The following CD226 variants were observed in gnomAD, a reference collection of about 807,000 sequenced individuals.
CD226 encodes the protein CD226 molecule.
A neutral mutation model predicts 34.9 loss-of-function variants in CD226; 24 were observed. The ratio of observed to expected loss-of-function variants is 0.69; its 90% confidence interval spans 0.50 to 0.97. The LOEUF (loss-of-function observed/expected upper bound fraction) is 0.97, where lower values mean the gene tolerates loss of function less well. Among genes scored for constraint, CD226 ranks in the 50% least tolerant of loss-of-function variants. CD226 has a pLI of 0.00. For synonymous variants in CD226, 148 were observed against 147.4 expected (o/e 1.00, Z -0.03); for missense variants, 397 against 412.7 (o/e 0.96, Z 0.33).
intron 3 of CD226, among the ~76,000 whole-genome samples, 197 bp from the exon 4 acceptor site, chr18:69,873,443 T>G (rs1983667213): frequency 6.6e-6 from 1 of 152,070 alleles, no homozygotes; most frequent in Admixed American, 6.5e-5. Context: ...TCCTAATAGA[T>G]TTTTATTTGT....
upstream of CD226, among the ~76,000 whole-genome samples, chr18:69,949,778 TCA>T (rs765792840): frequency 2.4e-4 from 36 of 151,700 alleles, no homozygotes; most frequent in Admixed American, 3.3e-4. Context: ...ACACACATGC[TCA>T]CAGTCTCAGA....
chr18:69,950,784 C>T (rs191670972), upstream of CD226, among the ~76,000 whole-genome samples: 81 of 152,008 alleles, frequency 5.3e-4, no homozygotes, highest in African/African-American at 1.5e-3. Context: ...ATTCTAAGAG[C>T]GATTGGAGAT....
chr18:69,854,136 C>T lies in CD226; in HGVS notation c.*10178G>A, dbSNP rs1369213199. 1 of 152,166 alleles carries T rather than the reference C, an allele frequency of 6.6e-6. No homozygotes were observed. Among genetic ancestry groups the T allele is most frequent in the Non-Finnish European group, 1.5e-5 (1 of 68,036 alleles). 9.4% of individuals were successfully genotyped at this position (152,166 alleles called of 1,614,324 possible). The stretch of plus-strand genomic sequence containing the variant: ...AGGCATGGAAGATGTTGCTGCCATG[C>T]TTATAACAAGACAAAGCTGGAAAGT... On this transcript the variant is annotated 3_prime_UTR_variant, in exon 6 of 6. Transcript: ENST00000582621.
chr18:69,955,483 G>A (rs566874973), intron 1 of CD226, among the ~76,000 whole-genome samples: 1 of 152,150 alleles, frequency 6.6e-6, no homozygotes, highest in Non-Finnish European at 1.5e-5. Flanking sequence ...GTGAGAGGTC[G>A]TTTGCTCCCT....
At chr18:69,952,858 C>T (rs563910736), upstream of CD226, among the ~76,000 whole-genome samples, 102 of 152,238 alleles carry the variant, frequency 6.7e-4, 1 homozygote, top group Middle Eastern at 0.01. Flanking sequence ...TGATTATGGT[C>T]TAATATCCAT....
At chr18:69,901,654 C>T (rs1275975801) in intron 2 of CD226, among the ~76,000 whole-genome samples, 1 of 152,116 alleles carries the variant, frequency 6.6e-6, no homozygotes, top group East Asian at 1.9e-4. Context: ...CCGAGGCAGG[C>T]AGATCACGAG....
At chr18:69,960,455 C>T (rs1230961933), upstream of CD226, among the ~76,000 whole-genome samples, 3 of 151,954 alleles carry the variant, frequency 2.0e-5, no homozygotes, top group Admixed American at 2.0e-4. Context: ...TGACAATTTT[C>T]GTTGTTGTTG....
chr18:69,895,526 G>A (rs1457158445), intron 3 of CD226, among the ~76,000 whole-genome samples, 175 bp downstream of exon 3: 1 of 152,158 alleles, frequency 6.6e-6, no homozygotes, highest in East Asian at 1.9e-4. Context: ...GGATTCACAA[G>A]ATAAAGAAAC....
upstream of CD226, among the ~76,000 whole-genome samples, chr18:69,952,089 C>A (rs553028576): frequency 6.6e-6 from 1 of 152,276 alleles, no homozygotes; most frequent in East Asian, 1.9e-4. Flanking sequence ...GAATACTACA[C>A]AGCCCTAAAA....
intron 2 of CD226, among the ~76,000 whole-genome samples, chr18:69,926,770 T>C (rs558612177): frequency 1.3e-5 from 2 of 152,346 alleles, no homozygotes; most frequent in Admixed American, 1.3e-4. Flanking sequence ...AGGTACATAT[T>C]ATACATGAGT....
Position 69,895,762 on chromosome 18 carries a change from G to C in CD226, c.666C>G (p.Cys222Trp). Reference sequence around the variant, plus strand: ...TTTCTCCTGCGCTGGCCTGCAAGTAGCAGCGGTAAAGCCCCGAGTCTGAGA... The same window carrying C: ...TTTCTCCTGCGCTGGCCTGCAAGTACCAGCGGTAAAGCCCCGAGTCTGAGA... ...VTVSDSGLYR[C>W]YLQASAGENE... Residue 222 changes from cysteine to tryptophan, a missense_variant, in exon 3 of 6, where the codon TGC (cysteine) becomes TGG (tryptophan). Physicochemically the swap from Cys to Trp is radical, Grantham distance 215 (BLOSUM62 -2). Transcript: ENST00000582621. 6.2e-7 allele frequency: 1 copy of C among 1,614,178 alleles called. No homozygotes were observed. Among genetic ancestry groups the C allele is most frequent in the Non-Finnish European group, 8.5e-7 (1 of 1,180,032 alleles).
intron 4 of CD226, among the ~76,000 whole-genome samples, chr18:69,868,368 T>A (rs1031653074): frequency 2.0e-5 from 3 of 152,232 alleles, no homozygotes; most frequent in African/African-American, 7.2e-5. Flanking sequence ...TTTGTGAATA[T>A]CTTGAAAATA....
intron 3 of CD226, among the ~76,000 whole-genome samples, chr18:69,874,141 C>T (rs1205161722): frequency 6.6e-6 from 1 of 152,168 alleles, no homozygotes; most frequent in Non-Finnish European, 1.5e-5. Context: ...AAATTCCTTA[C>T]TGTGGATGTG....
intron 3 of CD226, among the ~76,000 whole-genome samples, chr18:69,892,498 G>A (rs75302561): frequency 0.021 from 3,176 of 152,292 alleles, 63 homozygotes; most frequent in Non-Finnish European, 0.033. Flanking sequence ...AGAAAAGTCA[G>A]TCTGGAATTA....
intron 2 of CD226, among the ~76,000 whole-genome samples, chr18:69,919,787 A>AT (rs1436825870): frequency 5.3e-5 from 8 of 152,146 alleles, no homozygotes; most frequent in African/African-American, 1.9e-4. Context: ...CCGAATGAGG[A>AT]TTTTTTAAAT....
chr18:69,922,943 C>G (rs989339175), intron 2 of CD226, among the ~76,000 whole-genome samples: 1 of 152,036 alleles, frequency 6.6e-6, no homozygotes, highest in African/African-American at 2.4e-5. Flanking sequence ...ACCAGCCTGG[C>G]CAACATGGTG....
At chr18:69,888,631 A>T (rs1211975357) in intron 3 of CD226, among the ~76,000 whole-genome samples, 1 of 152,064 alleles carries the variant, frequency 6.6e-6, no homozygotes, top group Non-Finnish European at 1.5e-5. Flanking sequence ...GTTCCCAGGG[A>T]GAGAAAAACT....
At chr18:69,953,855 C>T (rs991777300) in intron 1 of CD226, among the ~76,000 whole-genome samples, 2 of 152,036 alleles carry the variant, frequency 1.3e-5, no homozygotes, top group African/African-American at 4.8e-5. Flanking sequence ...CAAAAATTAG[C>T]TGTGCGTGGT....
In CD226 at chr18:69,861,104, A is replaced by ATTT. The variant is rs1982791691; in HGVS notation, c.*3207_*3209dup. On this transcript the variant is annotated 3_prime_UTR_variant, in exon 6 of 6. Transcript: ENST00000582621. ...CAATCCACGAATGCCTACTAAAAGT[A>ATTT]TTTTTACTTACTTTGTCTTTTAAAT... 2 of 152,048 alleles carry ATTT rather than the reference A, an allele frequency of 1.3e-5. No homozygotes were observed. The highest frequency in any genetic ancestry group is 2.9e-5 in the Non-Finnish European group (2 of 67,950). The allele number at this position is 152,048 out of a possible 1,614,324, so 9.4% of individuals were successfully genotyped here.
Sources: gnomAD v4.1 joint callset for allele counts (sites outside exome capture counted in the v4.1 genomes callset) on GRCh38, gnomAD v4.1.1 for gene constraint, MANE v1.5 for transcripts, NCBI Gene and HGNC (gene_info 2026-07-23, HGNC 2026-07-21) for gene names.